B4GALT5: variants seen among roughly 807,000 people sequenced by gnomAD.
B4GALT5 encodes beta-1,4-galactosyltransferase 5.
A neutral mutation model predicts 45.0 loss-of-function variants in B4GALT5; 11 were observed. The ratio of observed to expected loss-of-function variants is 0.24; its 90% CI spans 0.15 to 0.40. The LOEUF is 0.40. B4GALT5 is among the 10% of genes least tolerant of loss of function. The pLI, the probability that B4GALT5 is intolerant of heterozygous loss-of-function variation, is 1.00. For synonymous variants in B4GALT5, 185 were observed against 182.9 expected, an observed-to-expected ratio of 1.01 and a Z score of -0.09; for missense variants, 337 against 500.2, an observed-to-expected ratio of 0.67 and a Z score of 3.11.
rs550746372 is a variant in B4GALT5 at position 49,703,716 on chromosome 20, G to A, written c.115+9860C>T. On this transcript the variant is annotated intron_variant, in intron 1 of 8. Transcript: ENST00000371711. Reference sequence around the variant, plus strand: ...CCAGCCTGGCTAACACGGCAAAGCCGCATTTCTACTAAAAAAAAAAAAAAT... The same window carrying A: ...CCAGCCTGGCTAACACGGCAAAGCCACATTTCTACTAAAAAAAAAAAAAAT... Among the ~76,000 whole-genome samples, 15 of 57,966 alleles carry A rather than the reference G, an allele frequency of 2.6e-4. No homozygotes were observed. In the East Asian group the frequency reaches 4.0e-3, roughly 16 times the overall value. The allele number at this position is 57,966 out of a possible 152,430, so 38.0% of individuals were successfully genotyped here. A position where few individuals can be genotyped will look rare whatever the true frequency, so the allele number is the denominator to read the frequency against.
chr20:49,701,737 C>A (rs1041444967), intron 1 of B4GALT5, among the ~76,000 whole-genome samples: 8 of 152,160 alleles, frequency 5.3e-5, no homozygotes, highest in African/African-American at 1.9e-4. Context: ...ATACTAAACA[C>A]CAAAACATAA....
At position 49,713,861 on chromosome 20, in the gene B4GALT5, T is replaced by C. The variant is rs1183862782; in HGVS notation, c.-171A>G. 6.8e-6 allele frequency: 1 copy of C among 147,618 alleles called. No homozygotes were observed. Among genetic ancestry groups the C allele is most frequent in the Non-Finnish European group, 1.5e-5 (1 of 66,434 alleles). 9.1% of individuals were successfully genotyped at this position (147,618 alleles called of 1,614,324 possible). ...CCTCGCCGCTCCCAGCCGCCGGCCG[T>C]CGCGGGCCGGGCCACATGAAGCGGG... On this transcript the variant is annotated 5_prime_UTR_variant, in exon 1 of 9. Coordinates refer to ENST00000371711, the MANE Select transcript of B4GALT5 (RefSeq NM_004776.4).
chr20:49,649,571 T>G (rs1157947692), intron 2 of B4GALT5, among the ~76,000 whole-genome samples: 1 of 151,334 alleles, frequency 6.6e-6, no homozygotes, highest in African/African-American at 2.4e-5. Flanking sequence ...CAGAATGAGA[T>G]CCTATCTTAA....
At chr20:49,652,636 C>T (rs1161362599) in intron 2 of B4GALT5, among the ~76,000 whole-genome samples, 2 of 151,996 alleles carry the variant, frequency 1.3e-5, no homozygotes, top group East Asian at 1.9e-4. Flanking sequence ...AAACCAATGG[C>T]TTTCAGTGAC....
At chr20:49,643,481 C>A (rs1435087175) in intron 4 of B4GALT5, 45 bp downstream of exon 4, 2 of 1,607,576 alleles carry the variant, frequency 1.2e-6, no homozygotes, top group Admixed American at 1.7e-5. Flanking sequence ...AAAGGCAAAC[C>A]CCAGGTGGGC....
At chr20:49,652,014 G>T (rs1490100938) in intron 2 of B4GALT5, among the ~76,000 whole-genome samples, 1 of 152,174 alleles carries the variant, frequency 6.6e-6, no homozygotes, top group African/African-American at 2.4e-5. Flanking sequence ...AGGAGGCGGA[G>T]GTTGCAGTGA....
At chr20:49,698,598 CCACTCTCGCATTCACACACACA>C (rs567916344) in intron 1 of B4GALT5, among the ~76,000 whole-genome samples, 78 of 151,950 alleles carry the variant, frequency 5.1e-4, no homozygotes, top group Non-Finnish European at 1.0e-3. Flanking sequence ...GAACTTCCTC[CCACTCTCGCATTCACACACACA>C]CACAAGCATG....
chr20:49,680,864 G>A (rs1324206561), intron 1 of B4GALT5, among the ~76,000 whole-genome samples: 2 of 151,938 alleles, frequency 1.3e-5, no homozygotes, highest in Non-Finnish European at 2.9e-5. Flanking sequence ...CCATAGGCAG[G>A]ACAACCTAAA....
At chr20:49,645,223 C>T (rs1032107715) in intron 3 of B4GALT5, among the ~76,000 whole-genome samples, 1 of 151,598 alleles carries the variant, frequency 6.6e-6, no homozygotes, top group South Asian at 2.1e-4. Context: ...TCAAGCACTA[C>T]AATCAGTGAG....
At position 49,697,374 on chromosome 20, in the gene B4GALT5, C is replaced by A. The variant is rs186397445; in HGVS notation, c.115+16202G>T. On this transcript the variant is annotated intron_variant, in intron 1 of 8. Coordinates refer to ENST00000371711, the MANE Select transcript of B4GALT5 (RefSeq NM_004776.4). ...GCTTGCTCTTGGACTTCTGGCTGTACATTCTGAGGGTTCAAATGAAGGATG... is the reference window on the plus strand; with the variant it reads ...GCTTGCTCTTGGACTTCTGGCTGTAAATTCTGAGGGTTCAAATGAAGGATG... Among the ~76,000 whole-genome samples, 8 of 152,346 alleles carry A rather than the reference C, an allele frequency of 5.3e-5. No individual in the cohort carries two copies. In the East Asian group the frequency reaches 1.5e-3, roughly 29 times the overall value.
At chr20:49,676,362 G>C (rs756124019) in intron 1 of B4GALT5, among the ~76,000 whole-genome samples, 1 of 152,040 alleles carries the variant, frequency 6.6e-6, no homozygotes, top group Admixed American at 6.6e-5. Flanking sequence ...GCTAATTTGC[G>C]GTTAGAACAC....
chr20:49,648,752 T>C (rs1322992710), intron 2 of B4GALT5, among the ~76,000 whole-genome samples: 1 of 152,172 alleles, frequency 6.6e-6, no homozygotes, highest in Non-Finnish European at 1.5e-5. Flanking sequence ...GGGACTGTAC[T>C]TGTAGAGTAG....
intron 1 of B4GALT5, among the ~76,000 whole-genome samples, chr20:49,693,724 G>T (rs1252931226): frequency 6.6e-6 from 1 of 152,212 alleles, no homozygotes; most frequent in African/African-American, 2.4e-5. Flanking sequence ...GCAGCAGTGT[G>T]CGCTTATGCT....
Position 49,651,671 on chromosome 20 carries a change from T to C in B4GALT5, c.251-4593A>G, listed in dbSNP as rs186826567. 2.7e-4 allele frequency among the ~76,000 whole-genome samples: 41 copies of C among 152,316 alleles called. No individual in the cohort carries two copies. The East Asian group carries it at 2.9e-3, about 11-fold the overall frequency. On this transcript the variant is annotated intron_variant, in intron 2 of 8. Transcript: ENST00000371711. ...CAGGTTCAAATGGCTACTGATATCA[T>C]GGGCTTGCAGACCAACATTTCTGTC...
intron 1 of B4GALT5, among the ~76,000 whole-genome samples, chr20:49,678,757 G>C (rs2085750493): frequency 6.6e-6 from 1 of 151,980 alleles, no homozygotes; most frequent in Non-Finnish European, 1.5e-5. Context: ...TACTCTCATA[G>C]AAAAACAAGC....
chr20:49,688,679 C>T (rs2085797022), intron 1 of B4GALT5, among the ~76,000 whole-genome samples: 4 of 152,152 alleles, frequency 2.6e-5, no homozygotes, highest in Admixed American at 2.6e-4. Flanking sequence ...TGGCTCACGC[C>T]TGTAATCCCA....
At chr20:49,651,575 C>T (rs1308847101) in intron 2 of B4GALT5, among the ~76,000 whole-genome samples, 3 of 150,808 alleles carry the variant, frequency 2.0e-5, no homozygotes, top group African/African-American at 4.9e-5. Context: ...GGCAACAGAG[C>T]GAGACTCCGT....
intron 3 of B4GALT5, 112 bp from the exon 4 acceptor site, chr20:49,643,762 A>G (rs752429025): frequency 3.1e-5 from 38 of 1,240,102 alleles, no homozygotes; most frequent in Non-Finnish European, 3.8e-5. Flanking sequence ...ATTTGTTTTT[A>G]GCAAGGATGG....
chr20:49,709,660 T>C lies in B4GALT5; in HGVS notation c.115+3916A>G, dbSNP rs567451450. The stretch of plus-strand genomic sequence containing the variant: ...GGCAAGCGCCTATAATCCCAGCTAT[T>C]CTGGAGGCTGAAGCAGGAGAATCCT... On this transcript the variant is annotated intron_variant, in intron 1 of 8. Transcript: ENST00000371711. Among the ~76,000 whole-genome samples, 41 of 151,938 alleles carry C rather than the reference T, an allele frequency of 2.7e-4. 1 individual carries two copies. Among genetic ancestry groups the C allele is most frequent in the African/African-American group, 8.7e-4 (36 of 41,428 alleles).
Sources: gnomAD v4.1 joint callset for allele counts (sites outside exome capture counted in the v4.1 genomes callset) on GRCh38, gnomAD v4.1.1 for gene constraint, MANE v1.5 for transcripts, NCBI Gene and HGNC (gene_info 2026-07-23, HGNC 2026-07-21) for gene names.